RGS6: variants seen among roughly 807,000 people sequenced by gnomAD.
The protein encoded by RGS6 is regulator of G protein signaling 6, also known as regulator of G-protein signaling 6.
A neutral mutation model predicts 78.5 loss-of-function variants in RGS6; 30 were observed. That is an observed-to-expected ratio of 0.38 (90% CI 0.29 to 0.52). The LOEUF (loss-of-function observed/expected upper bound fraction) is 0.52. Among genes scored for constraint, RGS6 ranks in the 20% least tolerant of loss-of-function variants. The pLI is 0.85. For missense variants in RGS6, 495 were observed against 609.7 expected, an observed-to-expected ratio of 0.81 and a Z score of 1.98; for synonymous variants, 206 against 206.0, an observed-to-expected ratio of 1.00 and a Z score of 0.00.
At chr14:72,483,868 C>T (rs957710068) in intron 12 of RGS6, among the ~76,000 whole-genome samples, 9 of 152,100 alleles carry the variant, frequency 5.9e-5, no homozygotes, top group African/African-American at 2.2e-4. Flanking sequence ...CATGCTCCTT[C>T]ACTCATCCCA....
intron 2 of RGS6, among the ~76,000 whole-genome samples, chr14:72,094,619 A>G (rs974421694): frequency 1.3e-5 from 2 of 152,214 alleles, no homozygotes; most frequent in Non-Finnish European, 2.9e-5. Flanking sequence ...CACATACACA[A>G]ACAGAACTCC....
chr14:71,967,781 G>A (rs535986192), intron 2 of RGS6, among the ~76,000 whole-genome samples: 12 of 152,212 alleles, frequency 7.9e-5, no homozygotes, highest in African/African-American at 2.6e-4. Flanking sequence ...GTAAACTTTC[G>A]AGTAATAAGT....
At chr14:72,625,191 A>G in the RGS6 span, among the ~76,000 whole-genome samples, 1 of 152,134 alleles carries the variant, frequency 6.6e-6, no homozygotes, top group South Asian at 2.1e-4. Flanking sequence ...AAGTGTGCCC[A>G]ATGATTATTT....
At chr14:72,404,793 G>A (rs1020405637) in intron 3 of RGS6, among the ~76,000 whole-genome samples, 12 of 152,148 alleles carry the variant, frequency 7.9e-5, no homozygotes, top group African/African-American at 2.9e-4. Flanking sequence ...TGAGGGAAGT[G>A]GGGGTCCTCC....
intron 2 of RGS6, among the ~76,000 whole-genome samples, chr14:72,027,006 C>A (rs2089996540): frequency 6.6e-6 from 1 of 151,986 alleles, no homozygotes; most frequent in South Asian, 2.1e-4. Flanking sequence ...AGATCTAGGC[C>A]TGGGGCTTCC....
At chr14:72,550,594 T>TCTGATA in intron 17 of RGS6, 1 of 1,535,144 alleles carries the variant, frequency 6.5e-7, no homozygotes, top group Non-Finnish European at 8.7e-7. Context: ...GTGGGGGAAT[T>TCTGATA]CTGATACGTG....
chr14:72,403,731 C>A (rs1163046726), intron 3 of RGS6, among the ~76,000 whole-genome samples: 1 of 151,878 alleles, frequency 6.6e-6, no homozygotes, highest in East Asian at 1.9e-4. Flanking sequence ...TTATTATGTT[C>A]AATTAAAAAT....
At chr14:72,312,413 G>C (rs1384349193) in intron 2 of RGS6, among the ~76,000 whole-genome samples, 1 of 151,946 alleles carries the variant, frequency 6.6e-6, no homozygotes, top group Non-Finnish European at 1.5e-5. Context: ...TGTGTTTTTT[G>C]TTTGTGTGTT....
chr14:72,235,613 A>G (rs1018588796), intron 2 of RGS6, among the ~76,000 whole-genome samples: 2 of 152,216 alleles, frequency 1.3e-5, no homozygotes, highest in Admixed American at 6.5e-5. Flanking sequence ...CAGCCACCTG[A>G]ATTTTAGGCA....
chr14:72,622,106 TC>T, the RGS6 span, among the ~76,000 whole-genome samples: 1 of 152,192 alleles, frequency 6.6e-6, no homozygotes, highest in Non-Finnish European at 1.5e-5. Flanking sequence ...TGGAGAAGTG[TC>T]CATGAACCCC....
At chr14:72,495,303 A>T (rs1219274894) in intron 13 of RGS6, 41 bp downstream of exon 13, 1 of 1,230,378 alleles carries the variant, frequency 8.1e-7, no homozygotes, top group Admixed American at 1.7e-5. Flanking sequence ...ATGAATGTAG[A>T]CAAAAATCCA....
chr14:72,606,960 A>G, the RGS6 span, among the ~76,000 whole-genome samples: 1 of 152,152 alleles, frequency 6.6e-6, no homozygotes, highest in Non-Finnish European at 1.5e-5. Context: ...TGTTGGTGCC[A>G]TGCTTCTTGT....
At chr14:72,447,543 G>T (rs866342690) in intron 3 of RGS6, among the ~76,000 whole-genome samples, 1 of 152,142 alleles carries the variant, frequency 6.6e-6, no homozygotes, top group African/African-American at 2.4e-5. Flanking sequence ...TCCCAGCCAC[G>T]CAGATGACTG....
At chr14:72,617,124 G>T in the RGS6 span, among the ~76,000 whole-genome samples, 1 of 152,182 alleles carries the variant, frequency 6.6e-6, no homozygotes. Flanking sequence ...CAGACATGGG[G>T]CTGAGATCGA....
chr14:72,133,514 G>A (rs1484701896), intron 2 of RGS6, among the ~76,000 whole-genome samples: 2 of 152,096 alleles, frequency 1.3e-5, no homozygotes, highest in African/African-American at 4.8e-5. Flanking sequence ...CTTCTTCAGA[G>A]CATAAACCGG....
chr14:72,594,085 C>G, the RGS6 span, among the ~76,000 whole-genome samples: 1 of 152,100 alleles, frequency 6.6e-6, no homozygotes, highest in South Asian at 2.1e-4. Context: ...ATAGTGTGGG[C>G]TTATGAAACG....
At chr14:72,191,658 A>G (rs1235538430) in intron 2 of RGS6, among the ~76,000 whole-genome samples, 1 of 152,214 alleles carries the variant, frequency 6.6e-6, no homozygotes, top group Non-Finnish European at 1.5e-5. Flanking sequence ...ACCCGCCTCC[A>G]TGATTAAATT....
the RGS6 span, among the ~76,000 whole-genome samples, chr14:71,886,240 T>G: frequency 2.0e-5 from 3 of 152,210 alleles, no homozygotes; most frequent in Non-Finnish European, 4.4e-5. Flanking sequence ...AGTAGCTTCA[T>G]CCTTATCACA....
intron 2 of RGS6, among the ~76,000 whole-genome samples, chr14:72,323,373 G>A (rs927231937): frequency 5.9e-5 from 9 of 151,538 alleles, no homozygotes; most frequent in Non-Finnish European, 1.0e-4. Flanking sequence ...CAAATGGAAA[G>A]GCATACTCTG....
Sources: gnomAD v4.1 joint callset for allele counts (sites outside exome capture counted in the v4.1 genomes callset) on GRCh38, gnomAD v4.1.1 for gene constraint, MANE v1.5 for transcripts, NCBI Gene and HGNC (gene_info 2026-07-23, HGNC 2026-07-21) for gene names.